Variants in PTPRK observed in about 807,000 individuals in gnomAD.
PTPRK encodes the protein protein tyrosine phosphatase receptor type K.
In PTPRK, 75 loss-of-function variants were observed where a neutral mutation model predicts 178.0. The ratio of observed to expected loss-of-function variants is 0.42; its 90% CI spans 0.35 to 0.51. The LOEUF is 0.51. PTPRK is among the 20% of genes least tolerant of loss of function. The probability of loss-of-function intolerance (pLI) is 0.02; values close to 1 mark genes in which losing one functional copy is unlikely to be tolerated. For synonymous variants in PTPRK, 637 were observed against 620.6 expected (o/e 1.03, Z -0.39); for missense variants, 1,441 against 1,797.8 (o/e 0.80, Z 3.59).
At chr6:128,058,596 T>G (rs912147669) in intron 13 of PTPRK, among the ~76,000 whole-genome samples, 2 of 152,128 alleles carry the variant, frequency 1.3e-5, no homozygotes, top group African/African-American at 4.8e-5. Flanking sequence ...GTAAATTCTA[T>G]TTTACTCTCA....
intron 7 of PTPRK, among the ~76,000 whole-genome samples, chr6:128,128,097 T>C (rs1793664415): frequency 6.6e-6 from 1 of 152,228 alleles, no homozygotes; most frequent in African/African-American, 2.4e-5. Flanking sequence ...TTTTTGCTTT[T>C]ATCAAAATAC....
chr6:128,061,237 C>T (rs1780750277), intron 13 of PTPRK, among the ~76,000 whole-genome samples: 2 of 151,916 alleles, frequency 1.3e-5, no homozygotes. Context: ...AAAATAATTT[C>T]CAGAGAGAGA....
At chr6:128,494,596 C>A (rs549454031) in intron 1 of PTPRK, among the ~76,000 whole-genome samples, 2 of 152,150 alleles carry the variant, frequency 1.3e-5, no homozygotes, top group South Asian at 4.2e-4. Context: ...CACAATAGTA[C>A]AACCAAAACA....
chr6:128,145,668 G>C (rs537891896), intron 7 of PTPRK, among the ~76,000 whole-genome samples: 2 of 149,776 alleles, frequency 1.3e-5, no homozygotes, highest in South Asian at 2.1e-4. Context: ...AGTTAAAAAT[G>C]ATCAAAAAAG....
chr6:128,184,468 G>A lies in PTPRK; in HGVS notation c.1126C>T (p.Pro376Ser). The A allele has an allele frequency of 6.2e-7, 1 of 1,613,640 alleles. No homozygotes were observed. The highest frequency in any genetic ancestry group is 8.5e-7 in the Non-Finnish European group (1 of 1,179,762). The change falls in exon 7 of 30, where the codon CCA becomes TCA. Residue 376 changes from proline (P) to serine (S), a missense_variant. By Grantham distance (74) the Pro-to-Ser change is moderately conservative (BLOSUM62 -1). Transcript: ENST00000368226. ...TRPGEGGTGL[P>S]GPPLITRTKC... ...GTTCTGGTGATTAGTGGAGGTCCTG[G>A]GAGCCCCGTTCCACCTTCACCAGGT...
intron 1 of PTPRK, among the ~76,000 whole-genome samples, chr6:128,495,755 T>C (rs1854563958): frequency 6.6e-6 from 1 of 152,162 alleles, no homozygotes; most frequent in Non-Finnish European, 1.5e-5. Context: ...CATCGTTAGT[T>C]ATAAGGTCCT....
At chr6:128,337,850 T>C (rs897292558) in intron 2 of PTPRK, among the ~76,000 whole-genome samples, 5 of 152,082 alleles carry the variant, frequency 3.3e-5, no homozygotes, top group African/African-American at 1.2e-4. Flanking sequence ...AGCTGTGACC[T>C]GAAGAATGAA....
At chr6:128,435,618 T>C (rs759821246) in intron 1 of PTPRK, among the ~76,000 whole-genome samples, 3 of 152,148 alleles carry the variant, frequency 2.0e-5, no homozygotes, top group Non-Finnish European at 2.9e-5. Flanking sequence ...CTTTCTGGTG[T>C]ATGGTCTTAA....
chr6:128,225,810 T>C (rs1811197787), intron 5 of PTPRK, among the ~76,000 whole-genome samples: 1 of 151,778 alleles, frequency 6.6e-6, no homozygotes, highest in Non-Finnish European at 1.5e-5. Flanking sequence ...GAAATGACAA[T>C]AAATTCAAAC....
At chr6:128,496,289 C>G (rs563216855) in intron 1 of PTPRK, among the ~76,000 whole-genome samples, 17 of 152,274 alleles carry the variant, frequency 1.1e-4, no homozygotes, top group African/African-American at 3.9e-4. Context: ...TTCCCTAAAT[C>G]TTAAGGCAGA....
At chr6:128,384,294 T>C (rs1335534551) in intron 2 of PTPRK, among the ~76,000 whole-genome samples, 1 of 152,234 alleles carries the variant, frequency 6.6e-6, no homozygotes, top group East Asian at 1.9e-4. Flanking sequence ...AAACTTTTCT[T>C]GGTTTAAAAA....
At chr6:128,094,930 A>C (rs1787660286) in intron 7 of PTPRK, among the ~76,000 whole-genome samples, 1 of 152,112 alleles carries the variant, frequency 6.6e-6, no homozygotes, top group African/African-American at 2.4e-5. Flanking sequence ...GAGAGGGAGA[A>C]AGAGGGAAAC....
At chr6:128,493,406 C>G (rs1237665056) in intron 1 of PTPRK, among the ~76,000 whole-genome samples, 1 of 151,692 alleles carries the variant, frequency 6.6e-6, no homozygotes, top group Admixed American at 6.6e-5. Flanking sequence ...ACTAAAAATA[C>G]AAAAAATTAG....
chr6:128,165,386 C>G (rs1270505361), intron 7 of PTPRK, among the ~76,000 whole-genome samples: 1 of 151,190 alleles, frequency 6.6e-6, no homozygotes, highest in South Asian at 2.1e-4. Context: ...CTGAATTTCA[C>G]CAAAAGTTAA....
At chr6:128,510,050 A>AT (rs747412685) in intron 1 of PTPRK, among the ~76,000 whole-genome samples, 14 of 152,326 alleles carry the variant, frequency 9.2e-5, no homozygotes, top group Non-Finnish European at 1.9e-4. Context: ...AAAAAGAGTC[A>AT]TAAGTTATTA....
chr6:128,451,888 T>C (rs768660976), intron 1 of PTPRK, among the ~76,000 whole-genome samples: 1 of 152,236 alleles, frequency 6.6e-6, no homozygotes, highest in Non-Finnish European at 1.5e-5. Flanking sequence ...CATTATAGCA[T>C]GGTTTTCAAT....
chr6:127,972,238 G>A (rs750250906), intron 29 of PTPRK, among the ~76,000 whole-genome samples: 2 of 152,200 alleles, frequency 1.3e-5, no homozygotes, highest in Non-Finnish European at 2.9e-5. Flanking sequence ...CTTGATAAAT[G>A]TAGGGCAAGC....
At chr6:128,389,402 TG>T (rs1839223477) in intron 2 of PTPRK, among the ~76,000 whole-genome samples, 1 of 41,322 alleles carries the variant, frequency 2.4e-5, no homozygotes, top group Non-Finnish European at 1.1e-4. Flanking sequence ...GGTTTTTTTT[TG>T]TTTTTTTTTG....
rs200464177 is a variant in PTPRK, at chr6:128,391,596, T to C, written c.223+5970A>G. On this transcript the variant is annotated intron_variant, in intron 2 of 29. Coordinates refer to ENST00000368226, the MANE Select transcript of PTPRK (RefSeq NM_002844.4). Reference sequence around the variant, plus strand: ...AGCTGTGTGAGATTTTTGACAGTTATGGCTTTGTAAAAAACTATGCTTTTT... The same window carrying C: ...AGCTGTGTGAGATTTTTGACAGTTACGGCTTTGTAAAAAACTATGCTTTTT... Among the ~76,000 whole-genome samples the C allele has an allele frequency of 2.0e-4, 30 of 152,306 alleles. No individual in the cohort carries two copies. In the East Asian group the frequency reaches 2.9e-3, roughly 15 times the overall value.
Sources: gnomAD v4.1 joint callset for allele counts (sites outside exome capture counted in the v4.1 genomes callset) on GRCh38, gnomAD v4.1.1 for gene constraint, MANE v1.5 for transcripts, NCBI Gene and HGNC (gene_info 2026-07-23, HGNC 2026-07-21) for gene names.